Variants in FHIT observed in about 807,000 individuals in gnomAD.
FHIT encodes the protein bis(5'-adenosyl)-triphosphatase.
In FHIT, 19 loss-of-function variants were observed where a neutral mutation model predicts 17.9. The ratio of observed to expected loss-of-function variants is 1.06; its 90% CI spans 0.74 to 1.56. The LOEUF is 1.56. Among genes scored for constraint, FHIT ranks in the 40% most tolerant of loss-of-function variants. FHIT has a pLI of 0.00. For missense variants in FHIT, 248 were observed against 189.2 expected, an observed-to-expected ratio of 1.31 and a Z score of -1.82; for synonymous variants, 81 against 69.7, an observed-to-expected ratio of 1.16 and a Z score of -0.81.
intron 3 of FHIT, among the ~76,000 whole-genome samples, chr3:60,927,907 T>C (rs941508580): frequency 2.0e-5 from 3 of 152,240 alleles, no homozygotes; most frequent in Non-Finnish European, 4.4e-5. Context: ...ATCAGATTGT[T>C]ACTGTGTCTG....
chr3:61,051,516 T>C (rs1011613196), intron 2 of FHIT, among the ~76,000 whole-genome samples: 3 of 152,166 alleles, frequency 2.0e-5, no homozygotes, highest in Non-Finnish European at 4.4e-5. Context: ...CCCAAAGTTC[T>C]GGGATTACAG....
At chr3:60,178,374 G>A (rs1462994303) in intron 5 of FHIT, among the ~76,000 whole-genome samples, 1 of 152,050 alleles carries the variant, frequency 6.6e-6, no homozygotes, top group East Asian at 1.9e-4. Flanking sequence ...ATCACCTCAG[G>A]TCGGGAGTTC....
intron 3 of FHIT, among the ~76,000 whole-genome samples, chr3:61,037,925 T>C (rs994358126): frequency 1.3e-5 from 2 of 152,174 alleles, no homozygotes; most frequent in Non-Finnish European, 2.9e-5. Flanking sequence ...CTAAAATTAT[T>C]GCGTAGGACA....
chr3:60,194,428 A>C (rs1358997962), intron 5 of FHIT, among the ~76,000 whole-genome samples: 2 of 152,166 alleles, frequency 1.3e-5, no homozygotes, highest in Admixed American at 6.5e-5. Flanking sequence ...TCATATACAA[A>C]AATCAACTCA....
chr3:60,148,309 G>A (rs76369471), intron 5 of FHIT, among the ~76,000 whole-genome samples: 1,540 of 152,212 alleles, frequency 0.01, 30 homozygotes, highest in African/African-American at 0.035. Flanking sequence ...CTTTCAAACT[G>A]GATGATAGTA....
intron 2 of FHIT, among the ~76,000 whole-genome samples, chr3:61,107,716 G>T (rs1424221581): frequency 1.3e-5 from 2 of 152,210 alleles, no homozygotes; most frequent in Non-Finnish European, 2.9e-5. Context: ...TGAACAGTTT[G>T]TGAATCGGGC....
At chr3:60,499,920 T>C (rs994462551) in intron 5 of FHIT, among the ~76,000 whole-genome samples, 4 of 152,204 alleles carry the variant, frequency 2.6e-5, no homozygotes, top group Non-Finnish European at 5.9e-5. Flanking sequence ...GAAAATCATG[T>C]TGTTTGTGAT....
rs151087848 is a variant in FHIT at position 60,489,878 on chromosome 3, C to T, written c.103+46982G>A. 8.3e-3 allele frequency among the ~76,000 whole-genome samples: 1,270 copies of T among 152,192 alleles called. 18 individuals are homozygous for T. Among genetic ancestry groups the T allele is most frequent in the African/African-American group, 0.029 (1,208 of 41,526 alleles). On this transcript the variant is annotated intron_variant, in intron 5 of 9. Transcript: ENST00000492590. ...TCCTTCAAGTTTCCCAGGCACTGAACAGGAGGCTCCAAACCAAGTCATCTG... is the reference window on the plus strand; with the variant it reads ...TCCTTCAAGTTTCCCAGGCACTGAATAGGAGGCTCCAAACCAAGTCATCTG...
intron 3 of FHIT, among the ~76,000 whole-genome samples, chr3:60,860,005 T>C (rs1183012104): frequency 1.0e-5 from 1 of 95,660 alleles, no homozygotes; most frequent in East Asian, 2.3e-4. Context: ...GATTGTGCCA[T>C]TGCACTCCAG....
intron 2 of FHIT, among the ~76,000 whole-genome samples, chr3:61,154,121 C>A (rs997345170): frequency 3.3e-5 from 5 of 152,136 alleles, no homozygotes; most frequent in Non-Finnish European, 5.9e-5. Context: ...AAATTAAATA[C>A]AGTATATTTT....
chr3:60,252,150 C>G (rs1705744231), intron 5 of FHIT, among the ~76,000 whole-genome samples: 1 of 152,142 alleles, frequency 6.6e-6, no homozygotes, highest in South Asian at 2.1e-4. Context: ...TGCAACAGCT[C>G]TGTTGTTAAA....
intron 5 of FHIT, among the ~76,000 whole-genome samples, chr3:60,236,680 TG>T (rs112077616): frequency 0.035 from 5,322 of 152,288 alleles, 303 homozygotes; most frequent in African/African-American, 0.12. Context: ...TGTCTTGTTT[TG>T]CAAGGCAATT....
chr3:60,182,503 A>G (rs1701980966), intron 5 of FHIT, among the ~76,000 whole-genome samples: 1 of 152,172 alleles, frequency 6.6e-6, no homozygotes, highest in Non-Finnish European at 1.5e-5. Context: ...CCCAGTGGGC[A>G]CAGTGGCTGA....
rs147837241 is a variant in FHIT at position 59,905,171 on chromosome 3, A to C, written c.348+17175T>G. ...TGCTATCAATTTGGAAACCTTGGTGAAGCCCCAGAAAACCCTGGGGAGTAC... is the reference window on the plus strand; with the variant it reads ...TGCTATCAATTTGGAAACCTTGGTGCAGCCCCAGAAAACCCTGGGGAGTAC... On this transcript the variant is annotated intron_variant, in intron 8 of 9. Coordinates refer to ENST00000492590, the MANE Select transcript of FHIT (RefSeq NM_002012.4). Among the ~76,000 whole-genome samples, 34 of 152,334 alleles carry C rather than the reference A, an allele frequency of 2.2e-4. No individual in the cohort carries two copies. In the East Asian group the frequency reaches 5.6e-3, roughly 25 times the overall value.
At chr3:60,011,627 C>G (rs1700144299) in intron 6 of FHIT, among the ~76,000 whole-genome samples, 1 of 152,192 alleles carries the variant, frequency 6.6e-6, no homozygotes, top group South Asian at 2.1e-4. Flanking sequence ...ATCCAGCAAG[C>G]CAACTCCTTG....
intron 4 of FHIT, among the ~76,000 whole-genome samples, chr3:60,722,624 T>C (rs528560200): frequency 1.3e-5 from 2 of 152,126 alleles, no homozygotes; most frequent in Admixed American, 6.5e-5. Context: ...CCACCCCCAG[T>C]TGTGACAACA....
chr3:60,531,422 G>C (rs1221535212), intron 5 of FHIT, among the ~76,000 whole-genome samples: 3 of 151,684 alleles, frequency 2.0e-5, no homozygotes, highest in African/African-American at 4.8e-5. Context: ...GGGACTACAG[G>C]CGCCCGCTAC....
chr3:60,480,218 G>T (rs2033547519), intron 5 of FHIT, among the ~76,000 whole-genome samples: 1 of 152,084 alleles, frequency 6.6e-6, no homozygotes, highest in African/African-American at 2.4e-5. Flanking sequence ...CATCTCATGA[G>T]AACTCCCTCA....
At chr3:60,152,107 C>A (rs1051259775) in intron 5 of FHIT, among the ~76,000 whole-genome samples, 1 of 152,144 alleles carries the variant, frequency 6.6e-6, no homozygotes, top group Non-Finnish European at 1.5e-5. Flanking sequence ...ACGTTCAGAT[C>A]CTACAAGGTC....
Sources: allele counts gnomAD v4.1 joint callset (sites outside exome capture counted in the v4.1 genomes callset), GRCh38; gene constraint gnomAD v4.1.1; transcripts MANE v1.5; gene names NCBI Gene and HGNC (gene_info 2026-07-23, HGNC 2026-07-21).